Variants in NRXN3 observed in about 807,000 individuals in gnomAD.
NRXN3 encodes the protein neurexin III.
NRXN3 carries 32 observed loss-of-function variants against 137.6 expected under a neutral mutation model. The observed-to-expected ratio is 0.23, with a 90% CI of 0.18 to 0.31. The LOEUF is 0.31. Among genes scored for constraint, NRXN3 ranks in the 10% least tolerant of loss-of-function variants. The probability of loss-of-function intolerance (pLI) is 1.00; values close to 1 mark genes in which losing one functional copy is unlikely to be tolerated. For missense variants in NRXN3, 1,574 were observed against 2,062.5 expected (o/e 0.76, Z 4.59); for synonymous variants, 798 against 784.5 (o/e 1.02, Z -0.29).
intron 15 of NRXN3, among the ~76,000 whole-genome samples, chr14:79,014,481 C>T (rs1284698564): frequency 6.6e-6 from 1 of 152,162 alleles, no homozygotes; most frequent in Non-Finnish European, 1.5e-5. Context: ...ATATGTATCA[C>T]ATTTTCTTTA....
chr14:79,500,537 C>T lies in NRXN3; in HGVS notation c.3444+33135C>T, dbSNP rs773805528. Among the ~76,000 whole-genome samples, 48 of 152,158 alleles carry T rather than the reference C, an allele frequency of 3.2e-4. 1 individual carries two copies. Among genetic ancestry groups the T allele is most frequent in the Non-Finnish European group, 2.1e-4 (14 of 68,038 alleles). The stretch of plus-strand genomic sequence containing the variant: ...TCAACTATAGGAAGCATTACTGCAA[C>T]CTCTCCATAGATGATTAGAATAATT... On this transcript the variant is annotated intron_variant, in intron 16 of 20. Coordinates refer to ENST00000335750, the MANE Select transcript of NRXN3 (RefSeq NM_001330195.2).
chr14:79,356,182 A>G (rs950215062), intron 15 of NRXN3, among the ~76,000 whole-genome samples: 3 of 152,232 alleles, frequency 2.0e-5, no homozygotes, highest in African/African-American at 7.2e-5. Flanking sequence ...ATGTAAAACC[A>G]GGTGGCCTGA....
At chr14:79,704,463 C>A (rs2154038297) in intron 19 of NRXN3, among the ~76,000 whole-genome samples, 1 of 152,278 alleles carries the variant, frequency 6.6e-6, no homozygotes, top group South Asian at 2.1e-4. Context: ...CTTTTCCCTG[C>A]TGCCACCAGC....
chr14:78,955,746 A>G (rs964091725), intron 10 of NRXN3, among the ~76,000 whole-genome samples: 1 of 152,160 alleles, frequency 6.6e-6, no homozygotes, highest in African/African-American at 2.4e-5. Context: ...CCAAACTTGA[A>G]CTACTACCAT....
chr14:78,729,230 A>G (rs2098502706), intron 8 of NRXN3, among the ~76,000 whole-genome samples: 1 of 152,192 alleles, frequency 6.6e-6, no homozygotes, highest in African/African-American at 2.4e-5. Context: ...ATAAATTTCC[A>G]TAGTCGCAAT....
At chr14:78,500,781 G>A (rs1404734875) in intron 4 of NRXN3, among the ~76,000 whole-genome samples, 2 of 152,050 alleles carry the variant, frequency 1.3e-5, no homozygotes, top group South Asian at 2.1e-4. Context: ...ACTGAAATGG[G>A]GCTTCATCTG....
chr14:79,703,992 C>G (rs776640179), intron 19 of NRXN3, among the ~76,000 whole-genome samples: 1 of 152,022 alleles, frequency 6.6e-6, no homozygotes, highest in Non-Finnish European at 1.5e-5. Flanking sequence ...TTTGTTTATA[C>G]TCATACAAAC....
chr14:79,571,663 TTGCAC>T (rs2097604296), intron 16 of NRXN3, among the ~76,000 whole-genome samples: 1 of 152,162 alleles, frequency 6.6e-6, no homozygotes, highest in Non-Finnish European at 1.5e-5. Flanking sequence ...CATTGTTAGT[TTGCAC>T]TGTTAGTTCT....
intron 4 of NRXN3, among the ~76,000 whole-genome samples, chr14:78,642,824 G>A (rs555693062): frequency 1.3e-5 from 2 of 152,300 alleles, no homozygotes; most frequent in East Asian, 1.9e-4. Flanking sequence ...CTTCAAACAC[G>A]CAGACAGTGT....
At chr14:79,657,890 T>A (rs1329928950) in intron 16 of NRXN3, among the ~76,000 whole-genome samples, 1 of 152,218 alleles carries the variant, frequency 6.6e-6, no homozygotes, top group Non-Finnish European at 1.5e-5. Context: ...AAATCATATT[T>A]GGTCTCTTAT....
At chr14:78,916,322 A>G (rs1443389776) in intron 10 of NRXN3, among the ~76,000 whole-genome samples, 4 of 152,192 alleles carry the variant, frequency 2.6e-5, no homozygotes, top group African/African-American at 9.7e-5. Context: ...AAAGCTAGTG[A>G]TGAGTTTCTC....
At chr14:79,118,068 C>T (rs373656227) in intron 15 of NRXN3, among the ~76,000 whole-genome samples, 1 of 151,736 alleles carries the variant, frequency 6.6e-6, no homozygotes, top group East Asian at 1.9e-4. Flanking sequence ...GATGTTAGAG[C>T]TGACCCCTGC....
chr14:79,044,973 C>A (rs1444565729), intron 15 of NRXN3, among the ~76,000 whole-genome samples: 1 of 152,034 alleles, frequency 6.6e-6, no homozygotes, highest in Non-Finnish European at 1.5e-5. Context: ...CCTATGGTGT[C>A]TTTTGATTTT....
At chr14:79,439,561 T>C (rs1170308583) in intron 15 of NRXN3, among the ~76,000 whole-genome samples, 2 of 152,192 alleles carry the variant, frequency 1.3e-5, no homozygotes, top group African/African-American at 4.8e-5. Context: ...TTTTGCTTCC[T>C]AGCTCAGGGT....
chr14:79,596,322 T>C (rs1009240729), intron 16 of NRXN3, among the ~76,000 whole-genome samples: 2 of 152,208 alleles, frequency 1.3e-5, no homozygotes, highest in Non-Finnish European at 1.5e-5. Context: ...TGCTTAACTT[T>C]TCTAAATTTT....
intron 16 of NRXN3, among the ~76,000 whole-genome samples, chr14:79,625,020 A>G (rs965530606): frequency 1.3e-5 from 2 of 151,968 alleles, no homozygotes; most frequent in African/African-American, 4.8e-5. Flanking sequence ...GTTGGTCTCC[A>G]ACTCCTGAGC....
chr14:78,619,447 A>G (rs1215811147), intron 4 of NRXN3, among the ~76,000 whole-genome samples: 1 of 152,120 alleles, frequency 6.6e-6, no homozygotes, highest in Non-Finnish European at 1.5e-5. Flanking sequence ...GAAAATGATT[A>G]TAAGAAGAGT....
At chr14:78,566,962 C>T (rs1365602047) in intron 4 of NRXN3, among the ~76,000 whole-genome samples, 1 of 152,176 alleles carries the variant, frequency 6.6e-6, no homozygotes, top group Non-Finnish European at 1.5e-5. Context: ...TTGCTTGAAT[C>T]CTCAGAGTTC....
At chr14:79,069,118 A>G (rs1226164340) in intron 15 of NRXN3, among the ~76,000 whole-genome samples, 1 of 152,142 alleles carries the variant, frequency 6.6e-6, no homozygotes, top group Non-Finnish European at 1.5e-5. Context: ...TGGCGACAGC[A>G]CTGTTGGCTA....
Sources: gnomAD v4.1 joint callset for allele counts (sites outside exome capture counted in the v4.1 genomes callset) on GRCh38, gnomAD v4.1.1 for gene constraint, MANE v1.5 for transcripts, NCBI Gene and HGNC (gene_info 2026-07-23, HGNC 2026-07-21) for gene names.